Variants in FHIT observed in about 807,000 individuals in gnomAD.
FHIT encodes bis(5'-adenosyl)-triphosphatase.
In FHIT, 19 loss-of-function variants were observed where a neutral mutation model predicts 17.9. The ratio of observed to expected loss-of-function variants is 1.06; its 90% CI spans 0.74 to 1.56. FHIT has a LOEUF of 1.56. FHIT is among the 40% of genes most tolerant of loss of function. The pLI is 0.00. For missense variants in FHIT, 248 were observed against 189.2 expected (o/e 1.31, Z -1.82); for synonymous variants, 81 against 69.7 (o/e 1.16, Z -0.81).
intron 8 of FHIT, among the ~76,000 whole-genome samples, chr3:59,826,934 T>C (rs1383320456): frequency 6.6e-6 from 1 of 152,222 alleles, no homozygotes; most frequent in Admixed American, 6.5e-5. Context: ...TCAGAGATAA[T>C]ACACTTTCTT....
intron 5 of FHIT, among the ~76,000 whole-genome samples, chr3:60,094,949 AG>A (rs1703880954): frequency 6.6e-6 from 1 of 152,222 alleles, no homozygotes; most frequent in Non-Finnish European, 1.5e-5. Context: ...CTTGAATTTT[AG>A]GATTCATCCC....
At chr3:60,531,979 GT>G (rs2035803824) in intron 5 of FHIT, among the ~76,000 whole-genome samples, 1 of 152,180 alleles carries the variant, frequency 6.6e-6, no homozygotes, top group Admixed American at 6.5e-5. Context: ...TGTTCTTAAA[GT>G]TACCTAGTCT....
chr3:60,278,217 G>A (rs1229780984), intron 5 of FHIT, among the ~76,000 whole-genome samples: 1 of 152,166 alleles, frequency 6.6e-6, no homozygotes, highest in African/African-American at 2.4e-5. Context: ...ACCCTATCAT[G>A]TTCTCATGGG....
chr3:60,480,723 T>G (rs1474453876), intron 5 of FHIT, among the ~76,000 whole-genome samples: 1 of 152,224 alleles, frequency 6.6e-6, no homozygotes, highest in Non-Finnish European at 1.5e-5. Flanking sequence ...GGCATGCTCA[T>G]GCAGGAAGAG....
intron 8 of FHIT, among the ~76,000 whole-genome samples, chr3:59,800,206 G>A (rs560654649): frequency 2.0e-5 from 3 of 152,242 alleles, no homozygotes; most frequent in South Asian, 2.1e-4. Flanking sequence ...GGGTTATAAT[G>A]CCATGTCCTC....
rs555257265 is a variant in FHIT, at chr3:60,798,835, G to A, written c.-18+23084C>T. On this transcript the variant is annotated intron_variant, in intron 4 of 9. Transcript: ENST00000492590. Reference sequence around the variant, plus strand: ...TGCAGTGGCATGTTCTTGGCTCACTGCAACCTCCTCCTCCCAGGTTCAAGT... The same window carrying A: ...TGCAGTGGCATGTTCTTGGCTCACTACAACCTCCTCCTCCCAGGTTCAAGT... Among the ~76,000 whole-genome samples, 6 of 136,390 alleles carry A rather than the reference G, an allele frequency of 4.4e-5. No individual in the cohort carries two copies. In the Admixed American group the frequency reaches 5.1e-4, roughly 11 times the overall value. 89.5% of individuals were successfully genotyped at this position (136,390 alleles called of 152,430 possible). A position where few individuals can be genotyped will look rare whatever the true frequency, so the allele number is the denominator to read the frequency against.
intron 4 of FHIT, among the ~76,000 whole-genome samples, chr3:60,668,416 T>C (rs1200618717): frequency 1.3e-5 from 2 of 148,564 alleles, no homozygotes; most frequent in Non-Finnish European, 3.0e-5. Flanking sequence ...CCTGAGCTGC[T>C]TCTTGTTGCC....
At chr3:61,126,769 G>C (rs1423920704) in intron 2 of FHIT, among the ~76,000 whole-genome samples, 1 of 152,194 alleles carries the variant, frequency 6.6e-6, no homozygotes, top group Admixed American at 6.5e-5. Flanking sequence ...GAAGGAGCGT[G>C]GGGAGAGTAC....
intron 3 of FHIT, among the ~76,000 whole-genome samples, chr3:60,993,856 C>T (rs1363654487): frequency 6.6e-6 from 1 of 152,198 alleles, no homozygotes; most frequent in Non-Finnish European, 1.5e-5. Context: ...CCTGATCCCT[C>T]TATCTTACTC....
intron 3 of FHIT, among the ~76,000 whole-genome samples, chr3:60,936,211 T>G (rs1247205716): frequency 1.3e-5 from 2 of 152,148 alleles, no homozygotes; most frequent in African/African-American, 4.8e-5. Flanking sequence ...AATACGCAAT[T>G]AAGTAATGCA....
At chr3:61,189,297 A>T (rs929003777) in intron 2 of FHIT, among the ~76,000 whole-genome samples, 1 of 152,150 alleles carries the variant, frequency 6.6e-6, no homozygotes, top group African/African-American at 2.4e-5. Context: ...TAACAGACAA[A>T]CAGAGAGCCA....
intron 7 of FHIT, among the ~76,000 whole-genome samples, chr3:59,955,947 C>A (rs1190247783): frequency 6.6e-6 from 1 of 152,200 alleles, no homozygotes; most frequent in Non-Finnish European, 1.5e-5. Flanking sequence ...GATCCCAGTA[C>A]TCTGTGTTCC....
intron 8 of FHIT, among the ~76,000 whole-genome samples, chr3:59,860,681 T>A (rs1407686937): frequency 6.6e-6 from 1 of 152,168 alleles, no homozygotes; most frequent in Non-Finnish European, 1.5e-5. Context: ...TTTGTGTTTA[T>A]TATGAAAAGT....
intron 7 of FHIT, among the ~76,000 whole-genome samples, chr3:59,926,863 C>G (rs539968741): frequency 1.3e-5 from 2 of 152,232 alleles, no homozygotes; most frequent in East Asian, 3.9e-4. Flanking sequence ...TGGAACCCTC[C>G]TACACTACTG....
chr3:60,104,536 G>T lies in FHIT; in HGVS notation c.104-90384C>A, dbSNP rs77594161. Among the ~76,000 whole-genome samples, 140 of 151,550 alleles carry T rather than the reference G, an allele frequency of 9.2e-4. No individual in the cohort carries two copies. In the East Asian group the frequency reaches 0.024, roughly 26 times the overall value. Reference sequence around the variant, plus strand: ...GCTTATAGAATAGAAAGAGAAAGAGGGGGAGAGGTTTTTATCTTTTAGAAT... The same window carrying T: ...GCTTATAGAATAGAAAGAGAAAGAGTGGGAGAGGTTTTTATCTTTTAGAAT... On this transcript the variant is annotated intron_variant, in intron 5 of 9. Coordinates refer to ENST00000492590, the MANE Select transcript of FHIT (RefSeq NM_002012.4).
At chr3:61,189,361 G>T (rs1576178879) in intron 2 of FHIT, among the ~76,000 whole-genome samples, 1 of 152,052 alleles carries the variant, frequency 6.6e-6, no homozygotes, top group South Asian at 2.1e-4. Context: ...AAATACCTAG[G>T]AATCCAACTT....
chr3:60,369,078 T>C (rs1321507056), intron 5 of FHIT, among the ~76,000 whole-genome samples: 2 of 151,774 alleles, frequency 1.3e-5, no homozygotes, highest in African/African-American at 2.4e-5. Context: ...GCTCAAGCAA[T>C]CCTCCCACCT....
chr3:60,079,850 A>G (rs552149955), intron 5 of FHIT, among the ~76,000 whole-genome samples: 1 of 152,202 alleles, frequency 6.6e-6, no homozygotes, highest in East Asian at 1.9e-4. Flanking sequence ...GTGCATTCTT[A>G]TTGTTCATCA....
chr3:60,755,302 C>T (rs1442103038), intron 4 of FHIT, among the ~76,000 whole-genome samples: 1 of 152,202 alleles, frequency 6.6e-6, no homozygotes, highest in Admixed American at 6.5e-5. Context: ...GAAGAGAACA[C>T]GTCCTCCCTG....
Sources: gnomAD v4.1 joint callset for allele counts (sites outside exome capture counted in the v4.1 genomes callset) on GRCh38, gnomAD v4.1.1 for gene constraint, MANE v1.5 for transcripts, NCBI Gene and HGNC (gene_info 2026-07-23, HGNC 2026-07-21) for gene names.